CCDC112: variants seen among roughly 807,000 people sequenced by gnomAD.
CCDC112 encodes the protein coiled-coil domain containing 112.
A neutral mutation model predicts 66.3 loss-of-function variants in CCDC112; 40 were observed. The ratio of observed to expected loss-of-function variants is 0.60; its 90% CI spans 0.47 to 0.79. The LOEUF is 0.79. Ranked by LOEUF, CCDC112 falls within the 30% of genes least tolerant of loss-of-function variation. The pLI, the probability that CCDC112 is intolerant of heterozygous loss-of-function variation, is 0.00. For synonymous variants in CCDC112, 214 were observed against 197.2 expected (o/e 1.09, Z -0.71); for missense variants, 659 against 603.8 (o/e 1.09, Z -0.96).
In CCDC112 at chr5:115,293,955, A is replaced by G. The variant is rs147071678; in HGVS notation, c.117+2472T>C. 2.8e-3 allele frequency among the ~76,000 whole-genome samples: 420 copies of G among 152,310 alleles called. 1 individual carries two copies. The highest frequency in any genetic ancestry group is 8.7e-3 in the African/African-American group (363 of 41,558). The stretch of plus-strand genomic sequence containing the variant: ...AAAAAGTCATAATTCAGCAACTACA[A>G]TGATCAAGAGAACAGATGGTAACAA... On this transcript the variant is annotated intron_variant, in intron 1 of 9. Transcript: ENST00000379611.
At chr5:115,290,379 T>C (rs1270415628) in intron 1 of CCDC112, among the ~76,000 whole-genome samples, 1 of 152,218 alleles carries the variant, frequency 6.6e-6, no homozygotes, top group African/African-American at 2.4e-5. Context: ...TACTGTGGCT[T>C]TGAAGTTAAA....
At chr5:115,280,297 A>C (rs1749397100) in intron 2 of CCDC112, 1 of 152,250 alleles carries the variant, frequency 6.6e-6, no homozygotes. Flanking sequence ...CAAGTATACT[A>C]TGGAAATGCC....
chr5:115,287,574 G>C (rs1230106729), intron 1 of CCDC112, among the ~76,000 whole-genome samples: 2 of 151,926 alleles, frequency 1.3e-5, no homozygotes, highest in Non-Finnish European at 2.9e-5. Context: ...CTGAAAACAA[G>C]AGATGCACGG....
intron 4 of CCDC112, among the ~76,000 whole-genome samples, chr5:115,276,632 G>C (rs952659663): frequency 7.0e-5 from 2 of 28,706 alleles, no homozygotes. Context: ...CCCTTAATTA[G>C]CTGTTTTTTT....
chr5:115,290,781 G>T (rs1050069379), intron 1 of CCDC112, among the ~76,000 whole-genome samples: 1 of 151,840 alleles, frequency 6.6e-6, no homozygotes, highest in Non-Finnish European at 1.5e-5. Flanking sequence ...TTTTTGAATT[G>T]TCCATTGCTA....
At position 115,269,578 on chromosome 5, in the gene CCDC112, T is replaced by C. The variant is rs1748912298; in HGVS notation, c.1428+125A>G. On this transcript the variant is annotated intron_variant, in intron 8 of 9. Transcript: ENST00000379611. ...TTATGCTTGCTAATATGTAAATAAG[T>C]ATGAAATTTAAAGTAGATGTTATAG... 4 of 650,024 alleles carry C rather than the reference T, an allele frequency of 6.2e-6. No individual in the cohort carries two copies. In the African/African-American group the frequency reaches 7.6e-5, roughly 12 times the overall value. The allele number at this position is 650,024 out of a possible 1,614,324, so 40.3% of individuals were successfully genotyped here.
Position 115,267,704 on chromosome 5 carries a change from C to G in CCDC112, c.*172G>C, listed in dbSNP as rs1298022161. ...ATATTAAATACCTTCTTGGTAGAAG[C>G]AGGAATACTAATGACAAAGCCTCAT... is the stretch of plus-strand genomic sequence containing the variant. On this transcript the variant is annotated 3_prime_UTR_variant, in exon 10 of 10. Transcript: ENST00000379611. 1.1e-5 allele frequency: 7 copies of G among 635,040 alleles called. No individual in the cohort carries two copies. Among genetic ancestry groups the G allele is most frequent in the Non-Finnish European group, 2.0e-5 (7 of 354,636 alleles). 39.3% of individuals were successfully genotyped at this position (635,040 alleles called of 1,614,324 possible).
chr5:115,284,832 G>A lies in CCDC112; in HGVS notation c.194C>T (p.Thr65Ile). ...TGTGCGTACAAATTCTGCTTTCTTA[G>A]TCTGATTAACTTTCTGCTTCCAGTT... ...LQNWKQKVNQ[T>I]KKAEFVRTAE... The change falls in exon 2 of 10, where the codon ACT (threonine) becomes ATT (isoleucine). Residue 65 changes from threonine (T) to isoleucine (I), a missense_variant. Transcript: ENST00000379611. 6.2e-7 allele frequency: 1 copy of A among 1,611,240 alleles called. No homozygotes were observed. The highest frequency in any genetic ancestry group is 8.5e-7 in the Non-Finnish European group (1 of 1,177,752).
intron 1 of CCDC112, among the ~76,000 whole-genome samples, chr5:115,290,256 T>C (rs1749864641): frequency 6.6e-6 from 1 of 152,248 alleles, no homozygotes; most frequent in Non-Finnish European, 1.5e-5. Flanking sequence ...TCTTATTGAA[T>C]TGTCTTGGCA....
At chr5:115,291,184 T>C (rs1003533944) in intron 1 of CCDC112, among the ~76,000 whole-genome samples, 6 of 152,144 alleles carry the variant, frequency 3.9e-5, no homozygotes, top group Admixed American at 6.5e-5. Flanking sequence ...AATTGACCTA[T>C]CTTCATGAAA....
chr5:115,296,396 C>T, intron 1 of CCDC112, 31 bp downstream of exon 1: 2 of 1,559,090 alleles, frequency 1.3e-6, no homozygotes, highest in South Asian at 2.3e-5. Flanking sequence ...TCGCCTGCCG[C>T]CAGAGCAGCT....
chr5:115,275,728 T>C, intron 5 of CCDC112, 122 bp from the exon 6 acceptor site: 1 of 783,530 alleles, frequency 1.3e-6, no homozygotes, highest in South Asian at 2.2e-5. Flanking sequence ...TTAACATTTA[T>C]AAATTTAAGC....
chr5:115,269,669 T>A, intron 8 of CCDC112, 34 bp downstream of exon 8: 1 of 1,401,788 alleles, frequency 7.1e-7, no homozygotes, highest in East Asian at 2.3e-5. Context: ...GGAATTAGGA[T>A]AATAACAATG....
In CCDC112 at chr5:115,269,768, C is replaced by G; in HGVS notation, c.1363G>C (p.Asp455His). 1 of 1,583,052 alleles carries G rather than the reference C, an allele frequency of 6.3e-7. No homozygotes were observed. Among genetic ancestry groups the G allele is most frequent in the Non-Finnish European group, 8.6e-7 (1 of 1,168,606 alleles). ...DLHKLELKIL[D>H]RQAKEDEKSQ... ...TTTTCATCTTCCTTTGCCTGTCTATCTAGAATTTTCAGTTCAAGTTTATGT... is the reference window on the plus strand; with the variant it reads ...TTTTCATCTTCCTTTGCCTGTCTATGTAGAATTTTCAGTTCAAGTTTATGT... The change falls in exon 8 of 10, where the codon GAT (aspartate) becomes CAT (histidine). Residue 455 changes from aspartate (D) to histidine (H), a missense_variant. By Grantham distance (81) the Asp-to-His change is moderately conservative. Coordinates refer to ENST00000379611, the MANE Select transcript of CCDC112 (RefSeq NM_001040440.3).
intron 1 of CCDC112, among the ~76,000 whole-genome samples, chr5:115,294,259 T>C (rs957039794): frequency 1.3e-5 from 2 of 152,222 alleles, no homozygotes; most frequent in Non-Finnish European, 2.9e-5. Flanking sequence ...AAAATTCCTA[T>C]GTAGAAGGCC....
chr5:115,288,036 A>G (rs1023307478), intron 1 of CCDC112, among the ~76,000 whole-genome samples: 1 of 149,196 alleles, frequency 6.7e-6, no homozygotes, highest in African/African-American at 2.5e-5. Context: ...GCTGGAGTAC[A>G]TTGGTACCAT....
At position 115,271,287 on chromosome 5, in the gene CCDC112, C is replaced by G. The variant is rs1748984047; in HGVS notation, c.1258G>C (p.Glu420Gln). Residue 420 changes from glutamate (E) to glutamine (Q), a missense_variant, in exon 7 of 10, where the codon GAG (glutamate) becomes CAG (glutamine). Transcript: ENST00000379611. ...EQEEFLRLEK[E>Q]IREKAEKAEK... Reference sequence around the variant, plus strand: ...GCCTTTTCTGCCTTTTCCCTTATCTCCTTTTCAAGCCTCAAAAATTCTTCC... The same window carrying G: ...GCCTTTTCTGCCTTTTCCCTTATCTGCTTTTCAAGCCTCAAAAATTCTTCC... 6.2e-7 allele frequency: 1 copy of G among 1,608,960 alleles called. No individual in the cohort carries two copies.
chr5:115,271,135 A>AT, intron 7 of CCDC112, 78 bp downstream of exon 7: 1 of 1,367,270 alleles, frequency 7.3e-7, no homozygotes, highest in East Asian at 2.3e-5. Context: ...CAAATACTCA[A>AT]TTTTTGCTTA....
intron 2 of CCDC112, among the ~76,000 whole-genome samples, chr5:115,282,048 T>A (rs969265345): frequency 6.6e-6 from 1 of 152,180 alleles, no homozygotes; most frequent in South Asian, 2.1e-4. Flanking sequence ...TATGTGGGTA[T>A]GGTAATTAAT....
Sources: gnomAD v4.1 joint callset for allele counts (sites outside exome capture counted in the v4.1 genomes callset) on GRCh38, gnomAD v4.1.1 for gene constraint, MANE v1.5 for transcripts, NCBI Gene and HGNC (gene_info 2026-07-23, HGNC 2026-07-21) for gene names.